The following TRPM2 variants were observed in gnomAD, a reference collection of about 807,000 sequenced individuals.
The protein encoded by TRPM2 is estrogen-responsive element-associated gene 1 protein.
A neutral mutation model predicts 174.0 loss-of-function variants in TRPM2; 161 were observed. The ratio of observed to expected loss-of-function variants is 0.93; its 90% CI spans 0.81 to 1.05. TRPM2 has a LOEUF of 1.05. Among genes scored for constraint, TRPM2 ranks in the 50% least tolerant of loss-of-function variants. The probability of loss-of-function intolerance (pLI) is 0.00; values close to 1 mark genes in which losing one functional copy is unlikely to be tolerated. For synonymous variants in TRPM2, 954 were observed against 861.3 expected (o/e 1.11, Z -1.88); for missense variants, 2,057 against 2,038.0 (o/e 1.01, Z -0.18).
chr21:44,429,541 C>T, intron 27 of TRPM2, among the ~76,000 whole-genome samples: 1 of 151,894 alleles, frequency 6.6e-6, no homozygotes, highest in East Asian at 1.9e-4. Flanking sequence ...CTCGCCTCAG[C>T]CTCCCAGAGT....
intron 11 of TRPM2, among the ~76,000 whole-genome samples, chr21:44,392,071 C>T (rs375069725): frequency 5.9e-5 from 9 of 151,794 alleles, no homozygotes; most frequent in Non-Finnish European, 1.2e-4. Context: ...CTCAAGCAAT[C>T]CTCCCACCTC....
Position 44,366,743 on chromosome 21 carries a change from C to G in TRPM2, c.424-11C>G, listed in dbSNP as rs1363338265. 6.2e-7 allele frequency: 1 copy of G among 1,613,912 alleles called. No homozygotes were observed. Among genetic ancestry groups the G allele is most frequent in the South Asian group, 1.1e-5 (1 of 91,052 alleles). The stretch of plus-strand genomic sequence containing the variant: ...ACACAGGTTCCCTCCGCCGTTTTCC[C>G]TTTCCCGCAGTACGTCCGAGTCTCC... On this transcript the variant is annotated splice_polypyrimidine_tract_variant and intron_variant, in intron 3 of 31. Transcript: ENST00000397928. This position sits in a 1 kb window ranked among gnomAD's most constrained non-coding sequence, Gnocchi z 6.0.
At chr21:44,404,310 GCA>G (rs1890462137) in intron 16 of TRPM2, among the ~76,000 whole-genome samples, 1 of 151,162 alleles carries the variant, frequency 6.6e-6, no homozygotes, top group Non-Finnish European at 1.5e-5. Context: ...ACACATACAT[GCA>G]CATACACATA....
chr21:44,350,920 G>A (rs2047918303), upstream of TRPM2, among the ~76,000 whole-genome samples: 3 of 152,152 alleles, frequency 2.0e-5, no homozygotes, highest in Admixed American at 2.0e-4. Flanking sequence ...CGCTTCTGGG[G>A]CGCTTACTTC....
In TRPM2 at chr21:44,439,568, C is replaced by T. The variant is rs563801472; in HGVS notation, c.4269+400C>T. 2.0e-4 allele frequency among the ~76,000 whole-genome samples: 30 copies of T among 152,276 alleles called. No individual in the cohort carries two copies. Among genetic ancestry groups the T allele is most frequent in the African/African-American group, 5.1e-4 (21 of 41,558 alleles). On this transcript the variant is annotated intron_variant, in intron 30 of 31. Transcript: ENST00000397928. This position sits in a 1 kb window ranked among gnomAD's most constrained non-coding sequence, Gnocchi z 5.1. ...CCAGCCCCTCCCTCAGACCTCGCCC[C>T]GACTCCCAAGCTCTGGAGGGGCCCT...
chr21:44,366,362 C>T lies in TRPM2; in HGVS notation c.424-392C>T, dbSNP rs746088492. Among the ~76,000 whole-genome samples, 4 of 151,908 alleles carry T rather than the reference C, an allele frequency of 2.6e-5. No homozygotes were observed. The highest frequency in any genetic ancestry group is 6.6e-5 in the Admixed American group (1 of 15,260). On this transcript the variant is annotated intron_variant, in intron 3 of 31. Coordinates refer to ENST00000397928, the MANE Select transcript of TRPM2 (RefSeq NM_003307.4). The surrounding 1 kb of genome is among the most constrained non-coding windows in gnomAD (Gnocchi z 6.0). ...CACAAGGACAGAAGGGCAGAGACCC[C>T]GGTGCAGGAGCTGATTAGACCCGGG...
rs1023149009 is a variant in TRPM2, at chr21:44,363,489, C to T, written c.255-625C>T. On this transcript the variant is annotated intron_variant, in intron 2 of 31. Transcript: ENST00000397928. Reference sequence around the variant, plus strand: ...GGTCCATCCTTTGAGTTTTTTATTTCAGTTACTGCATTTTTCAGCTCTAAA... The same window carrying T: ...GGTCCATCCTTTGAGTTTTTTATTTTAGTTACTGCATTTTTCAGCTCTAAA... Among the ~76,000 whole-genome samples, 47 of 152,112 alleles carry T rather than the reference C, an allele frequency of 3.1e-4. No homozygotes were observed. The South Asian group carries it at 4.6e-3, about 15-fold the overall frequency.
intron 21 of TRPM2, 135 bp from the exon 22 acceptor site, chr21:44,418,288 G>A: frequency 7.1e-7 from 1 of 1,398,674 alleles, no homozygotes; most frequent in East Asian, 2.4e-5. Flanking sequence ...GGCCCCCTTG[G>A]GGGCAGGTGT....
chr21:44,425,437 G>A (rs150000984), intron 24 of TRPM2: 137 of 464,538 alleles, frequency 2.9e-4, no homozygotes, highest in Non-Finnish European at 4.7e-4. Flanking sequence ...CCTGACTGCC[G>A]CTGCACAAAG....
chr21:44,369,244 C>T lies in TRPM2; in HGVS notation c.672C>T (p.Asp224=). 1 of 1,613,742 alleles carries T rather than the reference C, an allele frequency of 6.2e-7. No individual in the cohort carries two copies. The highest frequency in any genetic ancestry group is 1.1e-5 in the South Asian group (1 of 91,082). ...VMKQVGEAVR[D]FSLSSSYKEG... ...AGCAGGTAGGCGAGGCGGTGCGGGA[C>T]TTCAGCCTGAGCAGCAGCTACAAGG... The change falls in exon 5 of 32, where the codon GAC becomes GAT. Residue 224 remains aspartate, a synonymous_variant. Coordinates refer to ENST00000397928, the MANE Select transcript of TRPM2 (RefSeq NM_003307.4).
rs2049520913 is a variant in TRPM2 at position 44,399,002 on chromosome 21, G to A, written c.2063-294G>A. Among the ~76,000 whole-genome samples the A allele has an allele frequency of 6.6e-6, 1 of 152,142 alleles. No homozygotes were observed. The highest frequency in any genetic ancestry group is 2.4e-5 in the African/African-American group (1 of 41,432). ...TTAGTGTGGCCTATGCCCAGGAATGGACAAGGGCAGCTTGGAGGTTAGAGG... is the reference window on the plus strand; with the variant it reads ...TTAGTGTGGCCTATGCCCAGGAATGAACAAGGGCAGCTTGGAGGTTAGAGG... On this transcript the variant is annotated intron_variant, in intron 13 of 31. Coordinates refer to ENST00000397928, the MANE Select transcript of TRPM2 (RefSeq NM_003307.4). The surrounding 1 kb of genome is among the most constrained non-coding windows in gnomAD (Gnocchi z 4.6).
At position 44,429,194 on chromosome 21, in the gene TRPM2, A is replaced by C. The variant is rs1185455907; in HGVS notation, c.3974+2083A>C. On this transcript the variant is annotated intron_variant, in intron 27 of 31. Coordinates refer to ENST00000397928, the MANE Select transcript of TRPM2 (RefSeq NM_003307.4). ...AAGTTTTATAATTTTGTTCATAAAG[A>C]TCTTACATTTTTAAATAATATTTAT... is the stretch of plus-strand genomic sequence containing the variant. 2.7e-5 allele frequency among the ~76,000 whole-genome samples: 4 copies of C among 150,818 alleles called. No homozygotes were observed. In the East Asian group the frequency reaches 7.7e-4, roughly 29 times the overall value.
intron 4 of TRPM2, among the ~76,000 whole-genome samples, chr21:44,368,172 T>G (rs974338651): frequency 1.3e-5 from 2 of 152,334 alleles, no homozygotes; most frequent in Admixed American, 1.3e-4. Flanking sequence ...CAGGCTGGAG[T>G]GCAGTAGCAC....
At chr21:44,358,172 AG>A (rs1569009931) in intron 2 of TRPM2, among the ~76,000 whole-genome samples, 1 of 152,138 alleles carries the variant, frequency 6.6e-6, no homozygotes. Flanking sequence ...AACCCTCCTC[AG>A]CTCTGCACAG....
Position 44,414,097 on chromosome 21 carries a change from C to T in TRPM2, c.3146+23C>T, listed in dbSNP as rs371382865. ...CAAGTGAGCGCCTGGGTGGGGCTGG[C>T]GTGCAGGTGGGTGGGTGGGCGGCGT... On this transcript the variant is annotated intron_variant, in intron 20 of 31. Coordinates refer to ENST00000397928, the MANE Select transcript of TRPM2 (RefSeq NM_003307.4). The T allele has an allele frequency of 7.7e-5, 93 of 1,209,874 alleles. No individual in the cohort carries two copies. In the African/African-American group the frequency reaches 9.1e-4, roughly 12 times the overall value. 74.9% of individuals were successfully genotyped at this position (1,209,874 alleles called of 1,614,324 possible).
chr21:44,441,369 A>T (rs972155417), intron 31 of TRPM2, among the ~76,000 whole-genome samples: 11 of 152,126 alleles, frequency 7.2e-5, no homozygotes, highest in Admixed American at 6.5e-4. Context: ...CTTTATGGGG[A>T]TGTGGATTCC....
At chr21:44,406,956 G>GGGAGGGA (rs1189909653) in intron 19 of TRPM2, among the ~76,000 whole-genome samples, 191 bp downstream of exon 19, 1 of 150,228 alleles carries the variant, frequency 6.7e-6, no homozygotes, top group African/African-American at 2.5e-5. Flanking sequence ...GCCCCACCAG[G>GGGAGGGA]GGAGGGAGGA....
At chr21:44,364,830 A>G (rs1381194400) in intron 3 of TRPM2, among the ~76,000 whole-genome samples, 3 of 152,208 alleles carry the variant, frequency 2.0e-5, no homozygotes, top group Non-Finnish European at 4.4e-5. Context: ...GTGAGGGTGC[A>G]GACTGCTGGA....
At chr21:44,405,016 G>A in intron 16 of TRPM2, 126 bp from the exon 17 acceptor site, 1 of 1,091,986 alleles carries the variant, frequency 9.2e-7, no homozygotes, top group South Asian at 1.4e-5. Context: ...AGTGATGATA[G>A]TGACAGTGAT....
Sources: allele counts gnomAD v4.1 joint callset (sites outside exome capture counted in the v4.1 genomes callset), GRCh38; gene constraint gnomAD v4.1.1; non-coding constraint Gnocchi (gnomAD v3.1); transcripts MANE v1.5; gene names NCBI Gene and HGNC (gene_info 2026-07-23, HGNC 2026-07-21).